The following DEFB1 variants were observed in gnomAD, a reference collection of about 807,000 sequenced individuals.
DEFB1 encodes the protein defensin beta 1.
A neutral mutation model predicts 2.6 loss-of-function variants in DEFB1; 4 were observed. The observed-to-expected ratio is 1.53, with a 90% CI of 0.76 to 3.51. DEFB1 has a LOEUF of 3.51. Ranked by LOEUF, DEFB1 falls within the 30% of genes most tolerant of loss-of-function variation. The probability of loss-of-function intolerance (pLI) is 0.01; values close to 1 mark genes in which losing one functional copy is unlikely to be tolerated. For synonymous variants in DEFB1, 56 were observed against 28.5 expected (o/e 1.96, Z -3.07); for missense variants, 162 against 76.9 (o/e 2.11, Z -4.14).
In DEFB1 at chr8:6,870,697, G is replaced by C; in HGVS notation, c.191C>G (p.Ala64Gly). The change falls in exon 2 of 2, where the codon GCC (alanine) becomes GGC (glycine). Residue 64 changes from alanine (A) to glycine (G), a missense_variant. Ala to Gly is a moderately conservative substitution (Grantham distance 60, BLOSUM62 0). Transcript: ENST00000297439. The stretch of plus-strand genomic sequence containing the variant: ...ACTCCCAGCTCACTTGCAGCACTTG[G>C]CCTTCCCTCTGTAACAGGTGCCTTG... ...KIQGTCYRGK[A>G]KCCK The C allele has an allele frequency of 6.2e-7, 1 of 1,614,062 alleles. No homozygotes were observed.
intron 1 of DEFB1, among the ~76,000 whole-genome samples, chr8:6,875,268 C>T (rs528443636): frequency 2.0e-5 from 3 of 152,206 alleles, no homozygotes; most frequent in South Asian, 2.1e-4. Context: ...ATGACACATT[C>T]GACTACATTG....
intron 1 of DEFB1, among the ~76,000 whole-genome samples, chr8:6,874,729 C>T (rs1015062608): frequency 6.6e-6 from 1 of 152,144 alleles, no homozygotes; most frequent in Non-Finnish European, 1.5e-5. Context: ...TGGCTGTAAT[C>T]CCAGCACTTT....
At chr8:6,870,870 C>G (rs2293961) in intron 1 of DEFB1, 44 bp from the exon 2 acceptor site, 14 of 1,566,660 alleles carry the variant, frequency 8.9e-6, no homozygotes, top group South Asian at 3.6e-5. Context: ...TGGCTTGTAG[C>G]TGCAACGATT....
chr8:6,872,345 G>A (rs1018302681), intron 1 of DEFB1, among the ~76,000 whole-genome samples: 18 of 152,328 alleles, frequency 1.2e-4, no homozygotes, highest in Admixed American at 3.3e-4. Flanking sequence ...CACCCTAGCC[G>A]CATTGCAAGT....
intron 1 of DEFB1, among the ~76,000 whole-genome samples, chr8:6,876,813 C>G (rs1171130288): frequency 7.9e-5 from 5 of 63,458 alleles, no homozygotes. Flanking sequence ...AAAAAAAAAG[C>G]AAAGCAAAAA....
Position 6,877,924 on chromosome 8 carries a change from C to CT in DEFB1, c.-68dup. ...GACGCTGGCTCCTTTGGAGGCTGAGCTGACAGAGGCTTCCAGAGGCTGGAG... is the reference window on the plus strand; with the variant it reads ...GACGCTGGCTCCTTTGGAGGCTGAGCTTGACAGAGGCTTCCAGAGGCTGGAG... On this transcript the variant is annotated 5_prime_UTR_variant, in exon 1 of 2. Coordinates refer to ENST00000297439, the MANE Select transcript of DEFB1 (RefSeq NM_005218.4). 1 of 1,429,486 alleles carries CT rather than the reference C, an allele frequency of 7.0e-7. No individual in the cohort carries two copies. Among genetic ancestry groups the CT allele is most frequent in the East Asian group, 2.3e-5 (1 of 43,910 alleles). The allele number at this position is 1,429,486 out of a possible 1,614,324, so 88.6% of individuals were successfully genotyped here.
intron 1 of DEFB1, among the ~76,000 whole-genome samples, chr8:6,874,550 A>G (rs1806446392): frequency 6.6e-6 from 1 of 152,164 alleles, no homozygotes; most frequent in South Asian, 2.1e-4. Context: ...TAATTAAGGC[A>G]ATGTGCTTAT....
intron 1 of DEFB1, among the ~76,000 whole-genome samples, chr8:6,873,548 T>A (rs1806401758): frequency 6.6e-6 from 1 of 152,172 alleles, no homozygotes; most frequent in Non-Finnish European, 1.5e-5. Context: ...AGGTGTGTCC[T>A]TTGCAGCAAC....
chr8:6,871,630 A>G (rs73515780), intron 1 of DEFB1, among the ~76,000 whole-genome samples: 201 of 152,290 alleles, frequency 1.3e-3, no homozygotes, highest in African/African-American at 4.4e-3. Flanking sequence ...GAGAAACTTT[A>G]AAGAGGTGAT....
chr8:6,871,336 T>C (rs2117207246), intron 1 of DEFB1, among the ~76,000 whole-genome samples: 1 of 152,278 alleles, frequency 6.6e-6, no homozygotes, highest in Middle Eastern at 3.4e-3. Flanking sequence ...CGGGCTGAAA[T>C]TATGGTTACT....
chr8:6,872,280 C>G (rs1274851669), intron 1 of DEFB1, among the ~76,000 whole-genome samples: 1 of 152,180 alleles, frequency 6.6e-6, no homozygotes, highest in Non-Finnish European at 1.5e-5. Flanking sequence ...GCAGCACCAT[C>G]CAATATGGCA....
intron 1 of DEFB1, among the ~76,000 whole-genome samples, 188 bp from the exon 2 acceptor site, chr8:6,871,014 G>T (rs1248378099): frequency 4.6e-5 from 7 of 152,364 alleles, no homozygotes; most frequent in African/African-American, 1.2e-4. Flanking sequence ...TCAGTCTGGG[G>T]CTATGCCAGC....
chr8:6,871,941 C>T (rs74724912), intron 1 of DEFB1, among the ~76,000 whole-genome samples: 25,631 of 152,138 alleles, frequency 0.17, 2,461 homozygotes, highest in Admixed American at 0.23. Context: ...AAGAGGCCAT[C>T]GCTACCCTAG....
chr8:6,873,482 G>C (rs1440830115), intron 1 of DEFB1, among the ~76,000 whole-genome samples: 1 of 152,142 alleles, frequency 6.6e-6, no homozygotes, highest in Non-Finnish European at 1.5e-5. Flanking sequence ...ACCTCTCTAG[G>C]CAGCAGCTTC....
chr8:6,871,636 G>C (rs899270287), intron 1 of DEFB1, among the ~76,000 whole-genome samples: 1 of 152,178 alleles, frequency 6.6e-6, no homozygotes, highest in Non-Finnish European at 1.5e-5. Flanking sequence ...CTTTAAAGAG[G>C]TGATTCAAGT....
chr8:6,873,678 G>T (rs1321234788), intron 1 of DEFB1, among the ~76,000 whole-genome samples: 1 of 146,212 alleles, frequency 6.8e-6, no homozygotes, highest in Admixed American at 7.1e-5. Flanking sequence ...CTACTAGAGG[G>T]GAAAGGAGGC....
At chr8:6,877,265 T>A (rs568124361) in intron 1 of DEFB1, among the ~76,000 whole-genome samples, 88 of 152,290 alleles carry the variant, frequency 5.8e-4, no homozygotes, top group African/African-American at 1.4e-3. Flanking sequence ...CTGGGGAGAC[T>A]GCTAACCTGG....
In DEFB1 at chr8:6,870,607, A is replaced by T; in HGVS notation, c.*74T>A. On this transcript the variant is annotated 3_prime_UTR_variant, in exon 2 of 2. Coordinates refer to ENST00000297439, the MANE Select transcript of DEFB1 (RefSeq NM_005218.4). Reference sequence around the variant, plus strand: ...CCAAAGGAGGTATACTTCAAAAGCAATTTTCCTTTATTAAAAGAATGCTTA... The same window carrying T: ...CCAAAGGAGGTATACTTCAAAAGCATTTTTCCTTTATTAAAAGAATGCTTA... The T allele has an allele frequency of 6.4e-7, 1 of 1,560,348 alleles. No individual in the cohort carries two copies. Among genetic ancestry groups the T allele is most frequent in the Non-Finnish European group, 8.7e-7 (1 of 1,155,230 alleles).
rs145468425 is a variant in DEFB1 at position 6,870,719 on chromosome 8, C to G, written c.169G>C (p.Gly57Arg). Residue 57 changes from glycine (G) to arginine (R), a missense_variant, in exon 2 of 2, where the codon GGC (glycine) becomes CGC (arginine). Physicochemically the swap from Gly to Arg is moderately radical, Grantham distance 125. Coordinates refer to ENST00000297439, the MANE Select transcript of DEFB1 (RefSeq NM_005218.4). ...TTGGCCTTCCCTCTGTAACAGGTGCCTTGAATTTTGGTAAAGATCGGGCAG... is the reference window on the plus strand; with the variant it reads ...TTGGCCTTCCCTCTGTAACAGGTGCGTTGAATTTTGGTAAAGATCGGGCAG... The part of the protein sequence containing the change: ...SACPIFTKIQ[G>R]TCYRGKAKCC... 4 of 1,614,108 alleles carry G rather than the reference C, an allele frequency of 2.5e-6. No individual in the cohort carries two copies. Among genetic ancestry groups the G allele is most frequent in the African/African-American group, 2.7e-5 (2 of 74,944 alleles).
Sources: gnomAD v4.1 joint callset for allele counts (sites outside exome capture counted in the v4.1 genomes callset) on GRCh38, gnomAD v4.1.1 for gene constraint, MANE v1.5 for transcripts, NCBI Gene and HGNC (gene_info 2026-07-23, HGNC 2026-07-21) for gene names.